The following MTHFD2 variants were observed in gnomAD, a reference collection of about 807,000 sequenced individuals.
The protein encoded by MTHFD2 is bifunctional methylenetetrahydrofolate dehydrogenase/cyclohydrolase, mitochondrial.
A neutral mutation model predicts 36.8 loss-of-function variants in MTHFD2; 26 were observed. The ratio of observed to expected loss-of-function variants is 0.71; its 90% CI spans 0.52 to 0.98. The LOEUF is 0.98. Ranked by LOEUF, MTHFD2 falls within the 50% of genes least tolerant of loss-of-function variation. The probability of loss-of-function intolerance (pLI) is 0.00; values close to 1 mark genes in which losing one functional copy is unlikely to be tolerated. For missense variants in MTHFD2, 373 were observed against 434.0 expected (o/e 0.86, Z 1.25); for synonymous variants, 164 against 155.2 (o/e 1.06, Z -0.42).
intron 1 of MTHFD2, among the ~76,000 whole-genome samples, chr2:74,198,960 G>A (rs529206244): frequency 6.6e-6 from 1 of 152,286 alleles, no homozygotes; most frequent in African/African-American, 2.4e-5. Context: ...GGTACCCGAA[G>A]CCCGCCTTTC....
chr2:74,214,130 C>G lies in MTHFD2; in HGVS notation c.941C>G (p.Pro314Arg). The G allele has an allele frequency of 6.2e-7, 1 of 1,614,040 alleles. No individual in the cohort carries two copies. The highest frequency in any genetic ancestry group is 8.5e-7 in the Non-Finnish European group (1 of 1,179,964). Reference protein sequence around the residue: ...YITPVPGGVGPMTVAMLMKNT... With the variant: ...YITPVPGGVGRMTVAMLMKNT... ...ACTCCAGTTCCTGGAGGTGTTGGCC[C>G]CATGACAGTGGCAATGCTAATGAAG... The change falls in exon 8 of 8, where the codon CCC (proline) becomes CGC (arginine). Residue 314 changes from proline to arginine, a missense_variant. Physicochemically the swap from Pro to Arg is moderately radical, Grantham distance 103. Around this residue, in one of 2 missense-constraint regions of MTHFD2, gnomAD observed 308 missense variants for 397.8 expected, o/e 0.77. Transcript: ENST00000394053.
intron 7 of MTHFD2, among the ~76,000 whole-genome samples, chr2:74,213,708 T>C (rs913746962): frequency 6.6e-6 from 1 of 152,254 alleles, no homozygotes; most frequent in African/African-American, 2.4e-5. Flanking sequence ...TTCTCACTTT[T>C]AAAAAATTAC....
Position 74,207,723 on chromosome 2 carries a change from T to G in MTHFD2, c.306T>G (p.Ile102Met), listed in dbSNP as rs751273218. ...AAVVGINSET[I>M]MKPASISEEE... is the part of the protein sequence containing the mutation. Reference sequence around the variant, plus strand: ...TAATAGGAATCAACAGTGAGACAATTATGAAACCAGCTTCAATTTCAGAGG... The same window carrying G: ...TAATAGGAATCAACAGTGAGACAATGATGAAACCAGCTTCAATTTCAGAGG... The change falls in exon 3 of 8, where the codon ATT becomes ATG. Residue 102 changes from isoleucine (I) to methionine (M), a missense_variant. Ile to Met is a conservative substitution (Grantham distance 10). Transcript: ENST00000394053. 13 of 1,608,398 alleles carry G rather than the reference T, an allele frequency of 8.1e-6. No individual in the cohort carries two copies. In the South Asian group the frequency reaches 1.3e-4, roughly 16 times the overall value.
intron 2 of MTHFD2, 87 bp from the exon 3 acceptor site, chr2:74,207,617 C>T (rs554631628): frequency 3.2e-5 from 42 of 1,303,170 alleles, no homozygotes; most frequent in African/African-American, 2.7e-4. Context: ...ATACAAAACC[C>T]GTATGGTAGC....
At chr2:74,199,729 A>G (rs1002033806) in intron 1 of MTHFD2, among the ~76,000 whole-genome samples, 3 of 142,946 alleles carry the variant, frequency 2.1e-5, no homozygotes, top group African/African-American at 7.8e-5. Context: ...AAAAAAAAAA[A>G]GTTGATAAGG....
Position 74,214,465 on chromosome 2 carries a change from C to T in MTHFD2, c.*223C>T, listed in dbSNP as rs1003616061. The T allele has an allele frequency of 3.8e-5, 13 of 345,298 alleles. No individual in the cohort carries two copies. The Admixed American group carries it at 5.8e-4, about 15-fold the overall frequency. The allele number at this position is 345,298 out of a possible 1,614,324, so 21.4% of individuals were successfully genotyped here. A position where few individuals can be genotyped will look rare whatever the true frequency, so the allele number is the denominator to read the frequency against. ...CAGGGTCCTGTGATCTAGCCAGGAG[C>T]AGCCATTAACCTAGTGATTAATATG... On this transcript the variant is annotated 3_prime_UTR_variant, in exon 8 of 8. Transcript: ENST00000394053.
At chr2:74,201,576 G>A (rs757291585) in intron 1 of MTHFD2, among the ~76,000 whole-genome samples, 2 of 151,486 alleles carry the variant, frequency 1.3e-5, no homozygotes, top group Non-Finnish European at 2.9e-5. Flanking sequence ...TGTTGCCCAC[G>A]CTAGTCTTGA....
Position 74,212,645 on chromosome 2 carries a change from A to G in MTHFD2, c.889+779A>G, listed in dbSNP as rs201212703. Among the ~76,000 whole-genome samples the G allele has an allele frequency of 2.4e-4, 37 of 152,318 alleles. No individual in the cohort carries two copies. The East Asian group carries it at 5.2e-3, about 21-fold the overall frequency. On this transcript the variant is annotated intron_variant, in intron 7 of 7. Coordinates refer to ENST00000394053, the MANE Select transcript of MTHFD2 (RefSeq NM_006636.4). ...CTAGAATTATTTTAGGTGTTTTATC[A>G]TAGTGATGGAGAGCAGTTATAAACT...
intron 6 of MTHFD2, chr2:74,211,511 A>G (rs574217825): frequency 3.2e-4 from 151 of 475,514 alleles, no homozygotes; most frequent in African/African-American, 2.5e-3. Context: ...GCTTCAAAAT[A>G]TTTATATTAA....
At chr2:74,207,904 C>T in intron 3 of MTHFD2, 78 bp downstream of exon 3, 1 of 1,386,234 alleles carries the variant, frequency 7.2e-7, no homozygotes, top group Non-Finnish European at 1.0e-6. Context: ...CTCTCCCTCC[C>T]CATCCCCCTC....
rs755058612 is a variant in MTHFD2 at position 74,211,183 on chromosome 2, A to G, written c.671-16A>G. 2.6e-6 allele frequency: 4 copies of G among 1,542,566 alleles called. No homozygotes were observed. The highest frequency in any genetic ancestry group is 1.1e-5 in the South Asian group (1 of 89,006). On this transcript the variant is annotated splice_polypyrimidine_tract_variant and intron_variant, in intron 5 of 7. Coordinates refer to ENST00000394053, the MANE Select transcript of MTHFD2 (RefSeq NM_006636.4). ...CTTTGTGTCAGAAATCAAGACATCT[A>G]TTTTTTTCTTTCTAGGTGATGCCAC...
intron 2 of MTHFD2, among the ~76,000 whole-genome samples, chr2:74,206,775 C>G (rs971248998): frequency 1.3e-5 from 2 of 152,098 alleles, no homozygotes; most frequent in East Asian, 1.9e-4. Flanking sequence ...ACGGCGTGAT[C>G]TCGGCTCTCC....
At chr2:74,213,226 G>C (rs1021949356) in intron 7 of MTHFD2, among the ~76,000 whole-genome samples, 3 of 144,860 alleles carry the variant, frequency 2.1e-5, no homozygotes, top group African/African-American at 5.1e-5. Context: ...TCTTAAGATA[G>C]AATGTTTATC....
rs1228748104 is a variant in MTHFD2 at position 74,212,000 on chromosome 2, A to C, written c.889+134A>C. ...AGTCTCACTCTGTTGCCCAGGCTGG[A>C]GTGCAGTGGCGCGATCTCGGCTCAC... On this transcript the variant is annotated intron_variant, in intron 7 of 7. Coordinates refer to ENST00000394053, the MANE Select transcript of MTHFD2 (RefSeq NM_006636.4). The C allele has an allele frequency of 6.9e-6, 5 of 721,088 alleles. No individual in the cohort carries two copies. The African/African-American group carries it at 1.2e-4, about 17-fold the overall frequency. The allele number at this position is 721,088 out of a possible 1,614,324, so 44.7% of individuals were successfully genotyped here.
intron 1 of MTHFD2, among the ~76,000 whole-genome samples, chr2:74,202,520 T>C (rs1161803568): frequency 6.6e-6 from 1 of 152,098 alleles, no homozygotes; most frequent in Non-Finnish European, 1.5e-5. Context: ...ATTTTAATTT[T>C]TTTTTTTTGA....
rs562429705 is a variant in MTHFD2, at chr2:74,200,512, AGTT to A, written c.101+1773_101+1775del. 1.3e-3 allele frequency among the ~76,000 whole-genome samples: 202 copies of A among 151,432 alleles called. 2 individuals are homozygous for A. The highest frequency in any genetic ancestry group is 4.7e-3 in the African/African-American group (192 of 41,010). On this transcript the variant is annotated intron_variant, in intron 1 of 7. Coordinates refer to ENST00000394053, the MANE Select transcript of MTHFD2 (RefSeq NM_006636.4). ...TTTTAAATACTGCTTATTTTTAAAA[AGTT>A]GTATCCTTTTAAAAATATGAGTCTG...
chr2:74,201,212 T>G (rs1164020746), intron 1 of MTHFD2, among the ~76,000 whole-genome samples: 3 of 152,112 alleles, frequency 2.0e-5, no homozygotes, highest in Admixed American at 6.5e-5. Flanking sequence ...GGTCTCGACC[T>G]CCTGACCTCA....
intron 5 of MTHFD2, 101 bp downstream of exon 5, chr2:74,210,150 T>C: frequency 2.3e-6 from 2 of 888,338 alleles, no homozygotes; most frequent in Non-Finnish European, 1.6e-6. Context: ...CTGTTATACT[T>C]TGTATTTGTT....
intron 1 of MTHFD2, among the ~76,000 whole-genome samples, chr2:74,203,841 A>AGTTTAGTTTAGTTTAGTTTAGTTTAG (rs1553448277): frequency 6.3e-5 from 4 of 63,816 alleles, no homozygotes; most frequent in Admixed American, 2.1e-4. Flanking sequence ...AGAGATGCTC[A>AGTTTAGTTTAGTTTAGTTTAGTTTAG]TCTAGTTTAG....
Sources: allele counts gnomAD v4.1 joint callset (sites outside exome capture counted in the v4.1 genomes callset), GRCh38; gene constraint gnomAD v4.1.1; regional missense constraint gnomAD v4.1.1; transcripts MANE v1.5; gene names NCBI Gene and HGNC (gene_info 2026-07-23, HGNC 2026-07-21).